Variants in TCF25 observed in about 807,000 individuals in gnomAD.
TCF25 encodes the protein TCF25 ribosome quality control complex subunit.
A neutral mutation model predicts 83.1 loss-of-function variants in TCF25; 41 were observed. The observed-to-expected ratio is 0.49, with a 90% CI of 0.38 to 0.64. The LOEUF is 0.64. Ranked by LOEUF, TCF25 falls within the 30% of genes least tolerant of loss-of-function variation. The pLI, the probability that TCF25 is intolerant of heterozygous loss-of-function variation, is 0.00. For missense variants in TCF25, 979 were observed against 914.5 expected (o/e 1.07, Z -0.91); for synonymous variants, 458 against 365.0 (o/e 1.25, Z -2.90).
chr16:89,885,711 T>A (rs1055307663), intron 3 of TCF25, 137 bp from the exon 4 acceptor site: 1 of 714,906 alleles, frequency 1.4e-6, no homozygotes, highest in East Asian at 2.7e-5. Flanking sequence ...GGATGGTACA[T>A]AGTGTTTGAC....
intron 1 of TCF25, among the ~76,000 whole-genome samples, chr16:89,878,279 CA>C (rs34906385): frequency 0.021 from 2,377 of 113,372 alleles, 35 homozygotes; most frequent in South Asian, 0.12. Context: ...GACCCTGTCT[CA>C]AAAAAAAAAA....
chr16:89,894,066 C>CA (rs1356315708), intron 7 of TCF25, among the ~76,000 whole-genome samples: 1 of 152,182 alleles, frequency 6.6e-6, no homozygotes, highest in African/African-American at 2.4e-5. Context: ...CATCCATACT[C>CA]AGAGGAGAGG....
In TCF25 at chr16:89,907,338, C is replaced by G; in HGVS notation, c.1799+16C>G. 6.2e-7 allele frequency: 1 copy of G among 1,604,622 alleles called. No homozygotes were observed. Among genetic ancestry groups the G allele is most frequent in the Non-Finnish European group, 8.5e-7 (1 of 1,173,730 alleles). Reference sequence around the variant, plus strand: ...GGCCAGAGAGGTACCTCCCTCCTTCCAGTTCCCACCTCCCAGCTCCCACCT... The same window carrying G: ...GGCCAGAGAGGTACCTCCCTCCTTCGAGTTCCCACCTCCCAGCTCCCACCT... On this transcript the variant is annotated intron_variant, in intron 16 of 17. Transcript: ENST00000263346.
chr16:89,904,902 A>G (rs1167858993), intron 13 of TCF25, 36 bp from the exon 14 acceptor site: 19 of 1,585,662 alleles, frequency 1.2e-5, no homozygotes, highest in South Asian at 1.1e-4. Context: ...TGTGGTCTGA[A>G]GAGGGGTTCT....
rs538108490 is a variant in TCF25, at chr16:89,907,163, C to G, written c.1720-80C>G. On this transcript the variant is annotated intron_variant, in intron 15 of 17. Transcript: ENST00000263346. ...AGATGCATCCAGTCCATGCTGGAGT[C>G]GACAGAAGGACTCTGCTGGGAGAGG... is the stretch of plus-strand genomic sequence containing the variant. 7.9e-6 allele frequency: 11 copies of G among 1,394,590 alleles called. No homozygotes were observed. The East Asian group carries it at 1.1e-4, about 14-fold the overall frequency. The allele number at this position is 1,394,590 out of a possible 1,614,324, so 86.4% of individuals were successfully genotyped here.
chr16:89,906,430 A>AT (rs2144276476), intron 15 of TCF25, 146 bp downstream of exon 15: 3 of 696,940 alleles, frequency 4.3e-6, no homozygotes, highest in Non-Finnish European at 4.9e-6. Context: ...GGTCTAGTGC[A>AT]GAGGGCTCCT....
At chr16:89,903,127 T>C (rs530275510) in intron 12 of TCF25, among the ~76,000 whole-genome samples, 25 of 152,368 alleles carry the variant, frequency 1.6e-4, no homozygotes, top group Non-Finnish European at 3.7e-4. Context: ...TGGGAGGCCC[T>C]GTCCTTTGTG....
intron 5 of TCF25, chr16:89,889,430 A>G (rs936031458): frequency 4.2e-6 from 1 of 240,002 alleles, no homozygotes; most frequent in South Asian, 4.4e-5. Context: ...TCCTCCCTCT[A>G]CCTCCTAAAG....
chr16:89,885,103 G>GCCCTCTCCCTCCGCCTGATGC (rs2042906015), intron 3 of TCF25, among the ~76,000 whole-genome samples: 1 of 116,000 alleles, frequency 8.6e-6, no homozygotes, highest in African/African-American at 3.6e-5. Flanking sequence ...TCTGCCTGAC[G>GCCCTCTCCCTCCGCCTGATGC]CCCTCTCCCT....
intron 14 of TCF25, among the ~76,000 whole-genome samples, chr16:89,905,642 C>G (rs1278500827): frequency 6.6e-6 from 1 of 152,234 alleles, no homozygotes; most frequent in Non-Finnish European, 1.5e-5. Context: ...ATTTGCATCT[C>G]CACAGTGAAG....
At position 89,883,444 on chromosome 16, in the gene TCF25, A is replaced by G; in HGVS notation, c.286A>G (p.Arg96Gly). Residue 96 changes from arginine to glycine, a missense_variant, in exon 2 of 18, where the codon AGG becomes GGG. Transcript: ENST00000263346. ...TDAVAPGNKG[R>G]GQRGNTESKT... ...CGCTGTGGCACCAGGGAACAAAGGA[A>G]GGGGTCAGCGTGGAAACACAGAGAG... is the stretch of plus-strand genomic sequence containing the variant. The G allele has an allele frequency of 4.3e-6, 7 of 1,613,848 alleles. No individual in the cohort carries two copies. The highest frequency in any genetic ancestry group is 1.3e-5 in the African/African-American group (1 of 74,956).
intron 5 of TCF25, 68 bp from the exon 6 acceptor site, chr16:89,892,125 A>G (rs2043479718): frequency 1.2e-5 from 18 of 1,455,422 alleles, no homozygotes. Context: ...TGCAGGGATC[A>G]GGCAGCCAAG....
chr16:89,900,519 C>T, intron 11 of TCF25, 116 bp from the exon 12 acceptor site: 1 of 1,244,366 alleles, frequency 8.0e-7, no homozygotes, highest in Non-Finnish European at 1.1e-6. Flanking sequence ...CTTGCGTTGC[C>T]TGCAGAATAT....
chr16:89,874,453 G>C (rs897567969), intron 1 of TCF25: 1 of 153,448 alleles, frequency 6.5e-6, no homozygotes, highest in African/African-American at 2.4e-5. Flanking sequence ...CTCGGTTCCA[G>C]GGTTGAGGAC....
intron 1 of TCF25, among the ~76,000 whole-genome samples, chr16:89,876,566 A>C (rs966706956): frequency 2.0e-5 from 3 of 152,174 alleles, no homozygotes; most frequent in African/African-American, 7.2e-5. Flanking sequence ...GGAGGTGGGC[A>C]GATCACCTGA....
At chr16:89,904,425 A>T in intron 13 of TCF25, 1 of 594,622 alleles carries the variant, frequency 1.7e-6, no homozygotes, top group Non-Finnish European at 3.0e-6. Flanking sequence ...CAGCTTAAAA[A>T]CGAGGCTCAT....
intron 13 of TCF25, 115 bp from the exon 14 acceptor site, chr16:89,904,823 C>T (rs1597374625): frequency 2.3e-6 from 3 of 1,329,540 alleles, no homozygotes; most frequent in Non-Finnish European, 3.1e-6. Flanking sequence ...CCTTTCACTC[C>T]AGGCCACAGG....
At position 89,911,152 on chromosome 16, in the gene TCF25, G is replaced by A. The variant is rs752800763; in HGVS notation, c.1945G>A (p.Val649Met). ...GGGCCTGAACAGGCTGATGCTGGCT[G>A]TGCGCGACATGATGGCCAACTTCCA... Reference protein sequence around the residue: ...NQGLNRLMLAVRDMMANFHLN... With the variant: ...NQGLNRLMLAMRDMMANFHLN... Residue 649 changes from valine to methionine, a missense_variant, in exon 18 of 18, where the codon GTG (valine) becomes ATG (methionine). Coordinates refer to ENST00000263346, the MANE Select transcript of TCF25 (RefSeq NM_014972.3). 9.9e-6 allele frequency: 16 copies of A among 1,612,100 alleles called. No homozygotes were observed. The South Asian group carries it at 1.4e-4, about 14-fold the overall frequency.
chr16:89,899,479 C>A (rs2044147811), intron 11 of TCF25, among the ~76,000 whole-genome samples: 1 of 152,234 alleles, frequency 6.6e-6, no homozygotes, highest in African/African-American at 2.4e-5. Flanking sequence ...CGCCTGTAAT[C>A]CCAGCACTTT....
Sources: allele counts gnomAD v4.1 joint callset (sites outside exome capture counted in the v4.1 genomes callset), GRCh38; gene constraint gnomAD v4.1.1; transcripts MANE v1.5; gene names NCBI Gene and HGNC (gene_info 2026-07-23, HGNC 2026-07-21).